Variants in CLEC4A observed in about 807,000 individuals in gnomAD.
The protein encoded by CLEC4A is C-type (calcium dependent, carbohydrate-recognition domain) lectin, superfamily member 6.
In CLEC4A, 27 loss-of-function variants were observed where a neutral mutation model predicts 32.7. The observed-to-expected ratio is 0.83, with a 90% confidence interval of 0.61 to 1.14. The LOEUF is 1.14. CLEC4A is among the 50% of genes most tolerant of loss of function. The probability of loss-of-function intolerance (pLI) is 0.00; values close to 1 mark genes in which losing one functional copy is unlikely to be tolerated. For synonymous variants in CLEC4A, 89 were observed against 93.7 expected (o/e 0.95, Z 0.29); for missense variants, 253 against 274.6 (o/e 0.92, Z 0.55).
Position 8,123,797 on chromosome 12 carries a change from C to G in CLEC4A, c.-82C>G. ...TGAAAGGAAGGAGGTAATTTACCAC[C>G]ATGTTTGGTTCCTGTTTATAAGATG... On this transcript the variant is annotated 5_prime_UTR_variant, in exon 1 of 6. Transcript: ENST00000229332. The G allele has an allele frequency of 2.1e-6, 2 of 938,884 alleles. No individual in the cohort carries two copies. The highest frequency in any genetic ancestry group is 1.6e-5 in the African/African-American group (1 of 61,808). 58.2% of individuals were successfully genotyped at this position (938,884 alleles called of 1,614,324 possible).
chr12:8,105,029 G>A, the CLEC4A span, among the ~76,000 whole-genome samples: 1 of 152,116 alleles, frequency 6.6e-6, no homozygotes, highest in Non-Finnish European at 1.5e-5. Context: ...TAGTGCTTCA[G>A]TGAACATACG....
At chr12:8,130,227 T>G (rs1197241856) in intron 3 of CLEC4A, among the ~76,000 whole-genome samples, 1 of 152,242 alleles carries the variant, frequency 6.6e-6, no homozygotes, top group Non-Finnish European at 1.5e-5. Context: ...GCTTTTAGAC[T>G]TCTTCGACCT....
intron 3 of CLEC4A, chr12:8,134,193 A>G (rs1948050430): frequency 1.9e-6 from 3 of 1,610,614 alleles, no homozygotes; most frequent in Non-Finnish European, 8.5e-7. Context: ...TCTGCTTTGC[A>G]TATCTCCTGA....
intron 1 of CLEC4A, among the ~76,000 whole-genome samples, chr12:8,124,177 C>A (rs1450842249): frequency 6.6e-6 from 1 of 152,184 alleles, no homozygotes; most frequent in East Asian, 1.9e-4. Context: ...TCTCTTCAGC[C>A]TCCACTCTGC....
chr12:8,107,008 G>T, the CLEC4A span, among the ~76,000 whole-genome samples: 1 of 152,152 alleles, frequency 6.6e-6, no homozygotes, highest in East Asian at 1.9e-4. Context: ...TTGGCTGTGG[G>T]TCTGTCATAG....
rs118003717 is a variant in CLEC4A at position 8,125,257 on chromosome 12, C to T, written c.83-304C>T. Among the ~76,000 whole-genome samples the T allele has an allele frequency of 5.0e-3, 767 of 152,002 alleles. 3 individuals are homozygous for T. Among genetic ancestry groups the T allele is most frequent in the Non-Finnish European group, 8.9e-3 (608 of 67,962 alleles). ...GGTATGTCAATCGTGGGAAAATTTGCATATGTGTATATATACATTCAAAAA... is the reference window on the plus strand; with the variant it reads ...GGTATGTCAATCGTGGGAAAATTTGTATATGTGTATATATACATTCAAAAA... On this transcript the variant is annotated intron_variant, in intron 1 of 5. Transcript: ENST00000229332.
rs143094171 is a variant in CLEC4A, at chr12:8,131,824, C to CTATATATATATATATATCTA, written c.298+2477_298+2478insATCTATATATATATATATAT. Among the ~76,000 whole-genome samples the CTATATATATATATATATCTA allele has an allele frequency of 1.5e-4, 22 of 148,058 alleles. No individual in the cohort carries two copies. In the East Asian group the frequency reaches 4.3e-3, roughly 29 times the overall value. On this transcript the variant is annotated intron_variant, in intron 3 of 5. Coordinates refer to ENST00000229332, the MANE Select transcript of CLEC4A (RefSeq NM_016184.4). ...CATGTACTCATGGAGATATATATAT[C>CTATATATATATATATATCTA]TATATATATATATATCTCTTCAACT...
chr12:8,138,043 T>C lies in CLEC4A; in HGVS notation c.567-97T>C, dbSNP rs746288122. The C allele has an allele frequency of 1.4e-5, 19 of 1,345,586 alleles. No individual in the cohort carries two copies. The South Asian group carries it at 2.8e-4, about 20-fold the overall frequency. 83.4% of individuals were successfully genotyped at this position (1,345,586 alleles called of 1,614,324 possible). A position where few individuals can be genotyped will look rare whatever the true frequency, so the allele number is the denominator to read the frequency against. On this transcript the variant is annotated intron_variant, in intron 5 of 5. Transcript: ENST00000229332. ...GTGGATTTGGGCATATCTGACCCTA[T>C]GTTCCATGAAATTCATCCCTCGCTC... is the stretch of plus-strand genomic sequence containing the variant.
At chr12:8,118,383 C>G in the CLEC4A span, among the ~76,000 whole-genome samples, 2 of 87,422 alleles carry the variant, frequency 2.3e-5, no homozygotes, top group Non-Finnish European at 5.4e-5. Flanking sequence ...TTAGTCTATT[C>G]TTGCACTGCT....
the CLEC4A span, among the ~76,000 whole-genome samples, chr12:8,109,776 G>A: frequency 6.6e-6 from 1 of 152,142 alleles, no homozygotes; most frequent in South Asian, 2.1e-4. Flanking sequence ...GGTAAGTGCC[G>A]TTTAAATATT....
At chr12:8,125,216 A>G (rs950210266) in intron 1 of CLEC4A, among the ~76,000 whole-genome samples, 4 of 30,814 alleles carry the variant, frequency 1.3e-4, no homozygotes, top group Non-Finnish European at 5.5e-4. Context: ...ATAATAGGTC[A>G]GAAATCAGTA....
intron 3 of CLEC4A, chr12:8,134,579 C>T: frequency 1.2e-6 from 2 of 1,613,416 alleles, no homozygotes; most frequent in Non-Finnish European, 1.7e-6. Flanking sequence ...GCTGAGAGGT[C>T]TCCAAGCCGT....
rs753116235 is a variant in CLEC4A, at chr12:8,138,246, C to T, written c.673C>T (p.Pro225Ser). ...CTGGAATGATGTTAATTGTCTTGGT[C>T]CTCAAAGGTCAGTTTGTGAGATGAT... Reference protein sequence around the residue: ...WGWNDVNCLGPQRSVCEMMKI... With the variant: ...WGWNDVNCLGSQRSVCEMMKI... Residue 225 changes from proline to serine, a missense_variant, in exon 6 of 6, where the codon CCT becomes TCT. By Grantham distance (74) the Pro-to-Ser change is moderately conservative. Coordinates refer to ENST00000229332, the MANE Select transcript of CLEC4A (RefSeq NM_016184.4). 1.1e-5 allele frequency: 18 copies of T among 1,613,954 alleles called. No individual in the cohort carries two copies. Among genetic ancestry groups the T allele is most frequent in the Admixed American group, 1.7e-5 (1 of 59,992 alleles).
chr12:8,114,275 T>G, the CLEC4A span, among the ~76,000 whole-genome samples: 1 of 152,076 alleles, frequency 6.6e-6, no homozygotes, highest in Non-Finnish European at 1.5e-5. Flanking sequence ...GATGGAGTCT[T>G]GCTCTGTCGC....
chr12:8,128,979 C>T (rs966842948), intron 2 of CLEC4A, among the ~76,000 whole-genome samples: 1 of 152,078 alleles, frequency 6.6e-6, no homozygotes, highest in East Asian at 1.9e-4. Flanking sequence ...TGCATCCCCC[C>T]ACCCCCAAGA....
At chr12:8,133,564 G>T (rs1426757848) in intron 3 of CLEC4A, among the ~76,000 whole-genome samples, 1 of 148,912 alleles carries the variant, frequency 6.7e-6, no homozygotes, top group African/African-American at 2.5e-5. Flanking sequence ...AGTGATACAT[G>T]ATGTGGGATT....
upstream of CLEC4A, among the ~76,000 whole-genome samples, chr12:8,122,093 A>T (rs962529702): frequency 3.9e-5 from 6 of 151,972 alleles, no homozygotes; most frequent in African/African-American, 1.5e-4. Context: ...GATCCTAAGT[A>T]GGGTAAGATG....
chr12:8,137,617 A>G (rs1948146455), intron 5 of CLEC4A, among the ~76,000 whole-genome samples: 1 of 152,260 alleles, frequency 6.6e-6, no homozygotes, highest in African/African-American at 2.4e-5. Flanking sequence ...TATCCACTGT[A>G]TGAAATAAAT....
chr12:8,114,466 A>T, the CLEC4A span, among the ~76,000 whole-genome samples: 1 of 151,960 alleles, frequency 6.6e-6, no homozygotes, highest in East Asian at 1.9e-4. Flanking sequence ...GGATGGTCTC[A>T]ATCTCCTGAC....
Sources: gnomAD v4.1 joint callset for allele counts (sites outside exome capture counted in the v4.1 genomes callset) on GRCh38, gnomAD v4.1.1 for gene constraint, MANE v1.5 for transcripts, NCBI Gene and HGNC (gene_info 2026-07-23, HGNC 2026-07-21) for gene names.